Variants in TAF3 observed in about 807,000 individuals in gnomAD.
The protein encoded by TAF3 is TATA-box binding protein associated factor 3.
In TAF3, 7 loss-of-function variants were observed where a neutral mutation model predicts 80.6. The ratio of observed to expected loss-of-function variants is 0.09; its 90% CI spans 0.05 to 0.16. TAF3 has a LOEUF of 0.16. Among genes scored for constraint, TAF3 ranks in the 10% least tolerant of loss-of-function variants. TAF3 has a pLI of 1.00. For missense variants in TAF3, 921 were observed against 1,140.2 expected (o/e 0.81, Z 2.77); for synonymous variants, 444 against 446.1 (o/e 1.00, Z 0.06).
intron 2 of TAF3, among the ~76,000 whole-genome samples, chr10:7,898,545 CAAAAAAAAA>C (rs35137273): frequency 5.6e-4 from 54 of 96,178 alleles, no homozygotes; most frequent in South Asian, 2.4e-3. Flanking sequence ...GACTCTGTCT[CAAAAAAAAA>C]AAAAAAAAAA....
chr10:7,923,323 A>T (rs1837784362), intron 2 of TAF3, among the ~76,000 whole-genome samples: 1 of 152,126 alleles, frequency 6.6e-6, no homozygotes, highest in Admixed American at 6.5e-5. Flanking sequence ...TCACATCTGA[A>T]ATAATATAAA....
chr10:7,953,109 T>G (rs1838100350), intron 2 of TAF3, among the ~76,000 whole-genome samples: 1 of 152,008 alleles, frequency 6.6e-6, no homozygotes, highest in Non-Finnish European at 1.5e-5. Context: ...GACCCTGACC[T>G]TCCTGGTAGT....
chr10:7,966,689 G>A (rs948027223), intron 3 of TAF3, among the ~76,000 whole-genome samples: 1 of 152,064 alleles, frequency 6.6e-6, no homozygotes, highest in Non-Finnish European at 1.5e-5. Flanking sequence ...CAGTAGTTTT[G>A]TTCATATGAT....
Position 7,965,145 on chromosome 10 carries a change from A to T in TAF3, c.1635A>T (p.Glu545Asp). 1 of 1,611,936 alleles carries T rather than the reference A, an allele frequency of 6.2e-7. No individual in the cohort carries two copies. Among genetic ancestry groups the T allele is most frequent in the Non-Finnish European group, 8.5e-7 (1 of 1,179,406 alleles). The change falls in exon 3 of 7, where the codon GAA (glutamate) becomes GAT (aspartate). Residue 545 changes from glutamate (E) to aspartate (D), a missense_variant. Transcript: ENST00000344293. ...AAAAGCAGAGAGATAGGGAGAGGGA[A>T]AAAGACAAGAACAAGGACAAAAGTA... Reference protein sequence around the residue: ...KKEKQRDREREKDKNKDKSKE... With the variant: ...KKEKQRDRERDKDKNKDKSKE...
intron 2 of TAF3, among the ~76,000 whole-genome samples, chr10:7,904,078 T>A (rs780452764): frequency 4.0e-4 from 61 of 152,150 alleles, no homozygotes; most frequent in Non-Finnish European, 7.1e-4. Flanking sequence ...GCAGCAGTGC[T>A]AGAAGTAAGA....
At chr10:7,993,945 T>C (rs1408257655) in intron 4 of TAF3, among the ~76,000 whole-genome samples, 1 of 149,146 alleles carries the variant, frequency 6.7e-6, no homozygotes, top group Admixed American at 6.8e-5. Context: ...GGAGTTGATA[T>C]AGTTATCTCC....
intron 2 of TAF3, among the ~76,000 whole-genome samples, chr10:7,848,622 G>A (rs969360619): frequency 2.0e-5 from 3 of 152,050 alleles, no homozygotes; most frequent in Admixed American, 6.6e-5. Context: ...ACTTAATTTT[G>A]CATTTAAAGG....
intron 2 of TAF3, among the ~76,000 whole-genome samples, chr10:7,912,867 G>A (rs1249897623): frequency 1.3e-5 from 2 of 152,090 alleles, no homozygotes; most frequent in East Asian, 1.9e-4. Flanking sequence ...AATCCCTTAT[G>A]CTGGTTACCT....
At chr10:7,848,220 A>G (rs1218504789) in intron 2 of TAF3, among the ~76,000 whole-genome samples, 1 of 152,192 alleles carries the variant, frequency 6.6e-6, no homozygotes, top group Non-Finnish European at 1.5e-5. Flanking sequence ...TAAAGTAAAA[A>G]ATATTTCTCA....
chr10:8,014,796 TC>T lies in TAF3; in HGVS notation c.*48del. On this transcript the variant is annotated 3_prime_UTR_variant, in exon 7 of 7. Transcript: ENST00000344293. ...CCAAGCGGGGTCAGCCCGGGCTTCT[TC>T]CCTGGCGCCTCTGGAAGGGAGCTGG... 1 of 1,510,952 alleles carries T rather than the reference TC, an allele frequency of 6.6e-7. No homozygotes were observed. 93.6% of individuals were successfully genotyped at this position (1,510,952 alleles called of 1,614,324 possible).
At chr10:7,860,493 G>T (rs577111891) in intron 2 of TAF3, among the ~76,000 whole-genome samples, 4 of 152,104 alleles carry the variant, frequency 2.6e-5, no homozygotes, top group African/African-American at 7.2e-5. Context: ...TTTTATGAGT[G>T]TATTTGTACA....
At chr10:7,836,375 A>G (rs539652565) in intron 2 of TAF3, among the ~76,000 whole-genome samples, 1 of 151,758 alleles carries the variant, frequency 6.6e-6, no homozygotes, top group East Asian at 1.9e-4. Flanking sequence ...CCCTGGTTCA[A>G]GTGATTCTCC....
rs553493103 is a variant in TAF3 at position 7,846,066 on chromosome 10, C to G, written c.409+21506C>G. 2.5e-3 allele frequency among the ~76,000 whole-genome samples: 376 copies of G among 150,980 alleles called. 2 individuals carry two copies. Among genetic ancestry groups the G allele is most frequent in the Middle Eastern group, 3.5e-3 (1 of 288 alleles). On this transcript the variant is annotated intron_variant, in intron 2 of 6. Coordinates refer to ENST00000344293, the MANE Select transcript of TAF3 (RefSeq NM_031923.4). ...CTCCGCCTCCTGGGTTCACGCCAGT[C>G]TCCTGCCTCAGCCTCCCAAGTAGCT...
At chr10:7,975,792 T>C (rs1831666739) in intron 3 of TAF3, among the ~76,000 whole-genome samples, 1 of 152,236 alleles carries the variant, frequency 6.6e-6, no homozygotes. Flanking sequence ...CTTTATGATA[T>C]GTTGATCATT....
chr10:7,827,121 G>A (rs1836749797), intron 2 of TAF3, among the ~76,000 whole-genome samples: 1 of 152,160 alleles, frequency 6.6e-6, no homozygotes, highest in Non-Finnish European at 1.5e-5. Context: ...GCTGGAGCTG[G>A]CGAGTGTGCA....
At chr10:7,863,666 TACACACATATATATATATAC>T (rs1182321792) in intron 2 of TAF3, among the ~76,000 whole-genome samples, 2 of 37,534 alleles carry the variant, frequency 5.3e-5, no homozygotes, top group Non-Finnish European at 1.1e-4. Context: ...CATATATATA[TACACACATATATATATATAC>T]ACACACATAT....
At chr10:7,956,758 A>C (rs991249217) in intron 2 of TAF3, among the ~76,000 whole-genome samples, 3 of 152,200 alleles carry the variant, frequency 2.0e-5, no homozygotes, top group Non-Finnish European at 4.4e-5. Context: ...ATTTGGCAGA[A>C]TGAGGAGTTC....
At chr10:7,875,148 A>G (rs1489336880) in intron 2 of TAF3, among the ~76,000 whole-genome samples, 1 of 152,152 alleles carries the variant, frequency 6.6e-6, no homozygotes, top group Non-Finnish European at 1.5e-5. Flanking sequence ...ATCAGTCACT[A>G]TTTATATGGT....
At chr10:7,859,312 AAAT>A (rs1431549554) in intron 2 of TAF3, among the ~76,000 whole-genome samples, 52 of 122,736 alleles carry the variant, frequency 4.2e-4, no homozygotes, top group African/African-American at 1.2e-3. Context: ...ATAAATAAAT[AAAT>A]AAAAGAGAAG....
Sources: allele counts gnomAD v4.1 joint callset (sites outside exome capture counted in the v4.1 genomes callset), GRCh38; gene constraint gnomAD v4.1.1; transcripts MANE v1.5; gene names NCBI Gene and HGNC (gene_info 2026-07-23, HGNC 2026-07-21).